Variants in RAI1 observed in about 807,000 individuals in gnomAD.
RAI1 encodes retinoic acid-induced protein 1.
A neutral mutation model predicts 123.8 loss-of-function variants in RAI1; 9 were observed. That is an observed-to-expected ratio of 0.07 (90% CI 0.04 to 0.13). The LOEUF is 0.13. RAI1 is among the 10% of genes least tolerant of loss of function. The pLI is 1.00. For missense variants in RAI1, 2,256 were observed against 2,545.8 expected (o/e 0.89, Z 2.45); for synonymous variants, 1,231 against 1,127.3 (o/e 1.09, Z -1.84).
rs1243235707 is a variant in RAI1, at chr17:17,681,818, G to T, written c.-149+25G>T. 1.7e-5 allele frequency: 5 copies of T among 301,482 alleles called. No individual in the cohort carries two copies. The Admixed American group carries it at 2.0e-4, about 12-fold the overall frequency. The allele number at this position is 301,482 out of a possible 1,614,324, so 18.7% of individuals were successfully genotyped here. A position where few individuals can be genotyped will look rare whatever the true frequency, so the allele number is the denominator to read the frequency against. On this transcript the variant is annotated intron_variant, in intron 1 of 5. Transcript: ENST00000353383. Reference sequence around the variant, plus strand: ...GGTGAGCAGCGAGCGCCGGGGCGCGGGGGGCGCAGTGTATCCTGCCCCGGG... The same window carrying T: ...GGTGAGCAGCGAGCGCCGGGGCGCGTGGGGCGCAGTGTATCCTGCCCCGGG...
At chr17:17,805,226 A>G (rs1339556552) in intron 4 of RAI1, among the ~76,000 whole-genome samples, 3 of 152,048 alleles carry the variant, frequency 2.0e-5, no homozygotes, top group Non-Finnish European at 4.4e-5. Flanking sequence ...CAGTTTCCCT[A>G]CCTGTATGAT....
intron 1 of RAI1, among the ~76,000 whole-genome samples, chr17:17,701,580 C>A (rs563873709): frequency 6.6e-6 from 1 of 152,162 alleles, no homozygotes; most frequent in Non-Finnish European, 1.5e-5. Flanking sequence ...TTCCATGTCC[C>A]CTTGTACCCA....
chr17:17,765,032 C>A (rs1019828128), intron 2 of RAI1, among the ~76,000 whole-genome samples: 1 of 152,188 alleles, frequency 6.6e-6, no homozygotes, highest in Non-Finnish European at 1.5e-5. Context: ...TGTTTATAAT[C>A]GGAGGATCTT....
chr17:17,684,330 T>G (rs1190248455), intron 1 of RAI1: 2 of 152,214 alleles, frequency 1.3e-5, no homozygotes, highest in African/African-American at 2.4e-5. Context: ...TCTGCTGGTC[T>G]GTAATCCTTT....
intron 2 of RAI1, among the ~76,000 whole-genome samples, chr17:17,726,955 C>T (rs1916110615): frequency 2.0e-5 from 3 of 152,166 alleles, no homozygotes; most frequent in African/African-American, 4.8e-5. Flanking sequence ...TGGTTAATGT[C>T]TTCAGGCTTT....
chr17:17,707,122 C>G (rs1244032452), intron 1 of RAI1, among the ~76,000 whole-genome samples: 1 of 152,044 alleles, frequency 6.6e-6, no homozygotes, highest in East Asian at 1.9e-4. Flanking sequence ...CCAGCCTGGG[C>G]TACATAGCAG....
intron 4 of RAI1, among the ~76,000 whole-genome samples, chr17:17,805,104 G>T (rs933740736): frequency 2.0e-5 from 3 of 152,016 alleles, no homozygotes; most frequent in Non-Finnish European, 4.4e-5. Context: ...CTCGTGATCC[G>T]CCCGCCTCAG....
Position 17,720,712 on chromosome 17 carries a change from T to C in RAI1, c.-148-3316T>C, listed in dbSNP as rs117715914. ...TTGTGTTGCTGTGGTCTTGGCAAGTTCTTTGCAGGCTCTCAGCCTGGGTTT... is the reference window on the plus strand; with the variant it reads ...TTGTGTTGCTGTGGTCTTGGCAAGTCCTTTGCAGGCTCTCAGCCTGGGTTT... On this transcript the variant is annotated intron_variant, in intron 1 of 5. Transcript: ENST00000353383. Among the ~76,000 whole-genome samples the C allele has an allele frequency of 1.2e-4, 18 of 152,268 alleles. No homozygotes were observed. In the East Asian group the frequency reaches 3.5e-3, roughly 29 times the overall value.
intron 4 of RAI1, among the ~76,000 whole-genome samples, chr17:17,805,241 A>C (rs1219477101): frequency 1.3e-5 from 2 of 152,076 alleles, no homozygotes; most frequent in Non-Finnish European, 2.9e-5. Context: ...TATGATGGAG[A>C]TGATAATAGC....
chr17:17,790,756 C>T (rs1252954517), intron 2 of RAI1, among the ~76,000 whole-genome samples: 3 of 152,222 alleles, frequency 2.0e-5, no homozygotes, highest in African/African-American at 7.2e-5. Flanking sequence ...TCAGAGTGGT[C>T]CTGGGTTTGC....
chr17:17,724,972 G>C (rs1405839118), intron 2 of RAI1, among the ~76,000 whole-genome samples: 2 of 145,160 alleles, frequency 1.4e-5, no homozygotes, highest in African/African-American at 2.6e-5. Context: ...TGGCCAGGCT[G>C]ACAATGAAAT....
intron 2 of RAI1, among the ~76,000 whole-genome samples, chr17:17,748,155 A>G (rs996592983): frequency 4.6e-5 from 7 of 152,174 alleles, no homozygotes; most frequent in Non-Finnish European, 1.0e-4. Context: ...AATCTTCTTT[A>G]CTCATTCATC....
intron 1 of RAI1, among the ~76,000 whole-genome samples, chr17:17,690,818 C>G (rs1175541544): frequency 6.6e-6 from 1 of 152,158 alleles, no homozygotes. Context: ...ACAGGAGACC[C>G]AGAGAAGCTT....
At chr17:17,777,683 C>T (rs1422678137) in intron 2 of RAI1, 1 of 152,214 alleles carries the variant, frequency 6.6e-6, no homozygotes, top group Non-Finnish European at 1.5e-5. Context: ...AAGGGAAGAG[C>T]AATGTGGGGA....
intron 2 of RAI1, among the ~76,000 whole-genome samples, chr17:17,752,564 G>A (rs2030245442): frequency 6.6e-6 from 1 of 152,210 alleles, no homozygotes; most frequent in Non-Finnish European, 1.5e-5. Flanking sequence ...CGGGCTTCCT[G>A]TCCGTAGTTT....
intron 2 of RAI1, chr17:17,778,360 T>G: frequency 4.3e-6 from 1 of 234,360 alleles, no homozygotes; most frequent in Middle Eastern, 1.7e-3. Flanking sequence ...GCCCTGGAAG[T>G]TGCTACCTTT....
At position 17,799,041 on chromosome 17, in the gene RAI1, A is replaced by G. The variant is rs1886487122; in HGVS notation, c.5565+528A>G. 6.6e-6 allele frequency among the ~76,000 whole-genome samples: 1 copy of G among 152,146 alleles called. No individual in the cohort carries two copies. The highest frequency in any genetic ancestry group is 2.4e-5 in the African/African-American group (1 of 41,428). The stretch of plus-strand genomic sequence containing the variant: ...GTCACAGGGTTCCTCCCTCTGCAGG[A>G]CAGTCCATGGGGTCACACAGTCACA... On this transcript the variant is annotated intron_variant, in intron 3 of 5. Coordinates refer to ENST00000353383, the MANE Select transcript of RAI1 (RefSeq NM_030665.4). This position sits in a 1 kb window ranked among gnomAD's most constrained non-coding sequence, Gnocchi z 4.5.
Position 17,793,994 on chromosome 17 carries a change from C to T in RAI1, c.1046C>T (p.Ser349Phe). The change falls in exon 3 of 6, where the codon TCC (serine) becomes TTC (phenylalanine). Residue 349 changes from serine (S) to phenylalanine (F), a missense_variant. This residue lies in a region of RAI1 where 357 missense variants were observed against 480.2 expected (regional missense o/e 0.74). Coordinates refer to ENST00000353383, the MANE Select transcript of RAI1 (RefSeq NM_030665.4). ...SPSSSHSPAR[S>F]VGRSPSYSST... ...AGCTCCAGCCACTCACCCGCCCGCT[C>T]CGTGGGCCGCTCACCTTCCTACAGT... 1.9e-6 allele frequency: 3 copies of T among 1,613,954 alleles called. No individual in the cohort carries two copies. The highest frequency in any genetic ancestry group is 2.5e-6 in the Non-Finnish European group (3 of 1,180,020).
intron 2 of RAI1, among the ~76,000 whole-genome samples, chr17:17,726,518 C>A (rs1005328041): frequency 2.0e-5 from 3 of 152,288 alleles, no homozygotes; most frequent in East Asian, 1.9e-4. Context: ...TTTTCAAGAA[C>A]CTTTTTCTTC....
Sources: gnomAD v4.1 joint callset for allele counts (sites outside exome capture counted in the v4.1 genomes callset) on GRCh38, gnomAD v4.1.1 for gene constraint, gnomAD v4.1.1 regional missense constraint, Gnocchi (gnomAD v3.1) non-coding constraint, MANE v1.5 for transcripts, NCBI Gene and HGNC (gene_info 2026-07-23, HGNC 2026-07-21) for gene names.